SLC6A15: variants seen among roughly 807,000 people sequenced by gnomAD.
SLC6A15 encodes solute carrier family 6 member 15.
In SLC6A15, 33 loss-of-function variants were observed where a neutral mutation model predicts 68.5. The ratio of observed to expected loss-of-function variants is 0.48; its 90% confidence interval spans 0.37 to 0.64. The LOEUF is 0.64. Ranked by LOEUF, SLC6A15 falls within the 30% of genes least tolerant of loss-of-function variation. SLC6A15 has a pLI of 0.00. For missense variants in SLC6A15, 747 were observed against 874.3 expected, an observed-to-expected ratio of 0.85 and a Z score of 1.84; for synonymous variants, 347 against 301.0, an observed-to-expected ratio of 1.15 and a Z score of -1.58.
intron 4 of SLC6A15, among the ~76,000 whole-genome samples, chr12:84,884,263 T>A (rs1467858604): frequency 6.6e-6 from 1 of 152,172 alleles, no homozygotes; most frequent in African/African-American, 2.4e-5. Flanking sequence ...TAAGAATATG[T>A]GAACCTCTTA....
chr12:84,895,063 T>G (rs1045688164), intron 1 of SLC6A15, among the ~76,000 whole-genome samples: 1 of 152,050 alleles, frequency 6.6e-6, no homozygotes, highest in African/African-American at 2.4e-5. Context: ...CTCTCTTTTC[T>G]TACTATTTTT....
At chr12:84,865,084 C>A (rs1465510946) in intron 10 of SLC6A15, among the ~76,000 whole-genome samples, 1 of 152,052 alleles carries the variant, frequency 6.6e-6, no homozygotes, top group Non-Finnish European at 1.5e-5. Flanking sequence ...ACAGATCAGT[C>A]CAAAAACAAT....
At position 84,904,224 on chromosome 12, in the gene SLC6A15, G is replaced by GGAGAGAGAGAGAGAGAGAGAGAGAGA. The variant is rs370457657; in HGVS notation, c.-189+8273_-189+8298dup. ...AGAGAAAGGGGGGAGGGGCGGAGGGGGAGAGAGAGAGAGAGAGAGAGAGAG... is the reference window on the plus strand; with the variant it reads ...AGAGAAAGGGGGGAGGGGCGGAGGGGGAGAGAGAGAGAGAGAGAGAGAGAGAGAGAGAGAGAGAGAGAGAGAGAGAG... On this transcript the variant is annotated intron_variant, in intron 1 of 11. Transcript: ENST00000266682. Among the ~76,000 whole-genome samples, 199 of 122,000 alleles carry GGAGAGAGAGAGAGAGAGAGAGAGAGA rather than the reference G, an allele frequency of 1.6e-3. 5 individuals carry two copies. The highest frequency in any genetic ancestry group is 5.9e-3 in the African/African-American group (165 of 27,948). The allele number at this position is 122,000 out of a possible 152,430, so 80.0% of individuals were successfully genotyped here.
intron 5 of SLC6A15, among the ~76,000 whole-genome samples, chr12:84,878,396 C>T (rs904355860): frequency 9.9e-5 from 15 of 152,112 alleles, no homozygotes; most frequent in African/African-American, 3.4e-4. Context: ...CTTGATCTCA[C>T]TTGAATTAAA....
chr12:84,909,643 G>C (rs971390763), intron 1 of SLC6A15, among the ~76,000 whole-genome samples: 8 of 152,020 alleles, frequency 5.3e-5, no homozygotes, highest in African/African-American at 1.9e-4. Flanking sequence ...AATCTACTCT[G>C]CACAGCTGCA....
rs1870873738 is a variant in SLC6A15 at position 84,861,994 on chromosome 12, A to G, written c.1831T>C (p.Phe611Leu). Residue 611 changes from phenylalanine (F) to leucine (L), a missense_variant, in exon 12 of 12, where the codon TTT (phenylalanine) becomes CTT (leucine). By Grantham distance (22) the Phe-to-Leu change is conservative (BLOSUM62 0). Coordinates refer to ENST00000266682, the MANE Select transcript of SLC6A15 (RefSeq NM_182767.6). ...AGTCCCCATGTTGGATAGCTCAGAAATTCTTCAGATGCCTGTTAAAGAAGA... is the reference window on the plus strand; with the variant it reads ...AGTCCCCATGTTGGATAGCTCAGAAGTTCTTCAGATGCCTGTTAAAGAAGA... ...AWIEDKASEE[F>L]LSYPTWGLVV... is the part of the protein sequence containing the mutation. 2 of 1,587,864 alleles carry G rather than the reference A, an allele frequency of 1.3e-6. No individual in the cohort carries two copies. The highest frequency in any genetic ancestry group is 1.7e-6 in the Non-Finnish European group (2 of 1,170,756).
chr12:84,889,205 A>C (rs1872265298), intron 2 of SLC6A15, among the ~76,000 whole-genome samples: 1 of 152,170 alleles, frequency 6.6e-6, no homozygotes, highest in South Asian at 2.1e-4. Flanking sequence ...GCATAAAAAC[A>C]GTTGCCTGGG....
At chr12:84,909,445 G>C (rs951209785) in intron 1 of SLC6A15, among the ~76,000 whole-genome samples, 1 of 152,042 alleles carries the variant, frequency 6.6e-6, no homozygotes, top group East Asian at 1.9e-4. Context: ...GATCATTACT[G>C]GTCAAAGTTA....
chr12:84,894,054 A>G (rs1835442579), intron 1 of SLC6A15, among the ~76,000 whole-genome samples: 1 of 152,178 alleles, frequency 6.6e-6, no homozygotes, highest in South Asian at 2.1e-4. Context: ...AGAGGCCAAC[A>G]AAGTTTTGAT....
chr12:84,895,501 C>T (rs1274117516), intron 1 of SLC6A15, among the ~76,000 whole-genome samples: 1 of 151,216 alleles, frequency 6.6e-6, no homozygotes, highest in Admixed American at 6.6e-5. Context: ...GGCACCCGTC[C>T]CCATGCCCGG....
chr12:84,900,637 T>C (rs1415674893), intron 1 of SLC6A15, among the ~76,000 whole-genome samples: 3 of 151,734 alleles, frequency 2.0e-5, no homozygotes, highest in African/African-American at 7.2e-5. Flanking sequence ...CCTAGTTCAG[T>C]GAGGTCATTA....
intron 11 of SLC6A15, 125 bp from the exon 12 acceptor site, chr12:84,862,131 T>G: frequency 1.1e-6 from 1 of 913,220 alleles, no homozygotes. Context: ...CTTTGACCAA[T>G]AGAAAGCAGT....
intron 1 of SLC6A15, among the ~76,000 whole-genome samples, chr12:84,899,829 A>C (rs1482398516): frequency 6.6e-6 from 1 of 152,124 alleles, no homozygotes; most frequent in African/African-American, 2.4e-5. Context: ...TTTTCAAAAT[A>C]AATCTATTTT....
At chr12:84,864,058 A>C (rs1045777571) in intron 10 of SLC6A15, among the ~76,000 whole-genome samples, 3 of 149,772 alleles carry the variant, frequency 2.0e-5, no homozygotes, top group Non-Finnish European at 4.5e-5. Context: ...TTTTAGTAAT[A>C]ATTACTTATT....
chr12:84,894,914 C>A (rs1872574397), intron 1 of SLC6A15, among the ~76,000 whole-genome samples: 1 of 151,930 alleles, frequency 6.6e-6, no homozygotes, highest in Non-Finnish European at 1.5e-5. Context: ...TATAACAACT[C>A]TAGCCAAACT....
At chr12:84,882,708 A>C (rs59509849) in intron 5 of SLC6A15, 6,289 of 169,304 alleles carry the variant, frequency 0.037, 409 homozygotes, top group African/African-American at 0.14. Context: ...GATAAGTTAA[A>C]CTAATTCCTC....
At chr12:84,896,074 A>C (rs1872624539) in intron 1 of SLC6A15, among the ~76,000 whole-genome samples, 1 of 152,226 alleles carries the variant, frequency 6.6e-6, no homozygotes, top group Non-Finnish European at 1.5e-5. Flanking sequence ...GTATCAAGTA[A>C]CAGCACAATC....
chr12:84,883,640 G>C, intron 5 of SLC6A15: 1 of 1,449,180 alleles, frequency 6.9e-7, no homozygotes, highest in Non-Finnish European at 9.1e-7. Context: ...AATAAGGAAA[G>C]ATTATAATTA....
At position 84,873,250 on chromosome 12, in the gene SLC6A15, C is replaced by T. The variant is rs1170065171; in HGVS notation, c.946G>A (p.Gly316Ser). The change falls in exon 7 of 12, where the codon GGT becomes AGT. Residue 316 changes from glycine (G) to serine (S), a missense_variant. By Grantham distance (56) the Gly-to-Ser change is moderately conservative. Coordinates refer to ENST00000266682, the MANE Select transcript of SLC6A15 (RefSeq NM_182767.6). ...TTGTAGCTTGAAAAGGCAATGACACCACCAAATCCCAGACCTAAGGCAAAG... is the reference window on the plus strand; with the variant it reads ...TTGTAGCTTGAAAAGGCAATGACACTACCAAATCCCAGACCTAAGGCAAAG... Reference protein sequence around the residue: ...VFFALGLGFGGVIAFSSYNKR... With the variant: ...VFFALGLGFGSVIAFSSYNKR... 1 of 1,613,938 alleles carries T rather than the reference C, an allele frequency of 6.2e-7. No homozygotes were observed. Among genetic ancestry groups the T allele is most frequent in the African/African-American group, 1.3e-5 (1 of 74,900 alleles).
Sources: gnomAD v4.1 joint callset for allele counts (sites outside exome capture counted in the v4.1 genomes callset) on GRCh38, gnomAD v4.1.1 for gene constraint, MANE v1.5 for transcripts, NCBI Gene and HGNC (gene_info 2026-07-23, HGNC 2026-07-21) for gene names.